The following ORC6 variants were observed in gnomAD, a reference collection of about 807,000 sequenced individuals.
ORC6 encodes origin recognition complex, subunit 6 homolog-like (yeast).
Under a neutral mutation model 30.0 loss-of-function variants are expected in ORC6, and 31 were observed. That is an observed-to-expected ratio of 1.03 (90% CI 0.78 to 1.40). ORC6 has a LOEUF of 1.40. Ranked by LOEUF, ORC6 falls within the 40% of genes most tolerant of loss-of-function variation. ORC6 has a pLI of 0.00. For synonymous variants in ORC6, 136 were observed against 111.2 expected, an observed-to-expected ratio of 1.22 and a Z score of -1.40; for missense variants, 340 against 304.3, an observed-to-expected ratio of 1.12 and a Z score of -0.87.
At chr16:46,690,840 C>G (rs1427991324) in intron 1 of ORC6, 151 bp from the exon 2 acceptor site, 1 of 762,224 alleles carries the variant, frequency 1.3e-6, no homozygotes, top group African/African-American at 1.7e-5. Context: ...CTTCCTCTCA[C>G]CAGAGGATAT....
chr16:46,691,989 C>T (rs376978144), intron 2 of ORC6, among the ~76,000 whole-genome samples: 3 of 150,994 alleles, frequency 2.0e-5, no homozygotes, highest in South Asian at 2.1e-4. Flanking sequence ...CTCACCACCC[C>T]GCCCCCTACT....
chr16:46,695,411 G>A (rs1966507035), intron 4 of ORC6, 151 bp from the exon 5 acceptor site: 2 of 645,014 alleles, frequency 3.1e-6, no homozygotes, highest in East Asian at 2.7e-5. Flanking sequence ...AAACAACTTA[G>A]CATAGATAAT....
intron 2 of ORC6, 92 bp downstream of exon 2, chr16:46,691,212 GT>G: frequency 8.4e-7 from 1 of 1,192,382 alleles, no homozygotes. Context: ...AAAAACTCTT[GT>G]TTTAGAATTG....
chr16:46,693,831 ATTT>A (rs1176756262), intron 4 of ORC6: 4 of 79,432 alleles, frequency 5.0e-5, no homozygotes, highest in Non-Finnish European at 1.0e-4. Flanking sequence ...TTTTTTTTAC[ATTT>A]TTTTTATTTT....
chr16:46,689,748 C>T lies in ORC6; in HGVS notation c.43C>T (p.Leu15Phe). The T allele has an allele frequency of 1.9e-6, 3 of 1,599,854 alleles. No homozygotes were observed. The highest frequency in any genetic ancestry group is 2.6e-6 in the Non-Finnish European group (3 of 1,173,806). Residue 15 changes from leucine to phenylalanine, a missense_variant, in exon 1 of 7, where the codon CTC becomes TTC. Coordinates refer to ENST00000219097, the MANE Select transcript of ORC6 (RefSeq NM_014321.4). The stretch of plus-strand genomic sequence containing the variant: ...CGGGCGCCTAGCCCCGCGCCTGGGC[C>T]TCGCCGAGCCCGACATGCTGAGGTG... ...LIGRLAPRLG[L>F]AEPDMLRKAE...
chr16:46,695,480 GA>G, intron 4 of ORC6, 81 bp from the exon 5 acceptor site: 1 of 857,538 alleles, frequency 1.2e-6, no homozygotes, highest in Non-Finnish European at 2.0e-6. Flanking sequence ...TGGTCAAAAA[GA>G]AAATAAGTTG....
At chr16:46,690,887 G>T (rs1030019202) in intron 1 of ORC6, 104 bp from the exon 2 acceptor site, 227 of 1,193,082 alleles carry the variant, frequency 1.9e-4, no homozygotes, top group Non-Finnish European at 2.7e-4. Context: ...CGAGCCACAG[G>T]AGTTAGGCTT....
At chr16:46,693,550 C>T (rs1042532467) in intron 4 of ORC6, 10 of 318,830 alleles carry the variant, frequency 3.1e-5, no homozygotes, top group Non-Finnish European at 5.4e-5. Flanking sequence ...GCCTGTAATC[C>T]CAACACTGGG....
At chr16:46,695,044 T>C (rs1966503961) in intron 4 of ORC6, 1 of 167,706 alleles carries the variant, frequency 6.0e-6, no homozygotes, top group East Asian at 1.8e-4. Flanking sequence ...TAGAAAACAG[T>C]GAGAATAGTC....
chr16:46,694,925 C>T (rs1342260049), intron 4 of ORC6: 1 of 152,262 alleles, frequency 6.6e-6, no homozygotes, highest in Admixed American at 6.5e-5. Context: ...TTTTGGTATG[C>T]TTGGCTCTAT....
chr16:46,690,500 G>C (rs1966422376), intron 1 of ORC6, among the ~76,000 whole-genome samples: 1 of 152,206 alleles, frequency 6.6e-6, no homozygotes, highest in Non-Finnish European at 1.5e-5. Context: ...TGTGGTTCCT[G>C]GACCAGCAAC....
rs1555467330 is a variant in ORC6 at position 46,691,958 on chromosome 16, A to ACTCTCTCTCTCTCT, written c.196-414_196-401dup. On this transcript the variant is annotated intron_variant, in intron 2 of 6. Transcript: ENST00000219097. ...CACACACACACACACACACACACAC[A>ACTCTCTCTCTCTCT]CTCTCTCTCTCTCTCTCTCTCTCAC... 3.8e-3 allele frequency among the ~76,000 whole-genome samples: 139 copies of ACTCTCTCTCTCTCT among 36,658 alleles called. 6 individuals carry two copies. Among genetic ancestry groups the ACTCTCTCTCTCTCT allele is most frequent in the African/African-American group, 0.011 (117 of 10,438 alleles). 24.0% of individuals were successfully genotyped at this position (36,658 alleles called of 152,430 possible).
intron 6 of ORC6, 114 bp downstream of exon 6, chr16:46,696,199 T>C (rs1344414642): frequency 1.3e-6 from 1 of 753,700 alleles, no homozygotes; most frequent in East Asian, 2.6e-5. Context: ...TGACTGTGAA[T>C]CATTTGATAA....
At chr16:46,694,579 G>T (rs1200889678) in intron 4 of ORC6, 1 of 146,426 alleles carries the variant, frequency 6.8e-6, no homozygotes, top group Non-Finnish European at 1.5e-5. Context: ...GCAGCTGGCC[G>T]GGCAGAGGGG....
chr16:46,693,089 T>C lies in ORC6; in HGVS notation c.360-4T>C. On this transcript the variant is annotated splice_region_variant and splice_polypyrimidine_tract_variant and intron_variant, in intron 3 of 6. Transcript: ENST00000219097. ...AGATAATTCTGCAATAACTTCTCCT[T>C]TAGCTATGAGTCCAGTCTTCCCCAG... The C allele has an allele frequency of 1.9e-6, 3 of 1,587,322 alleles. No individual in the cohort carries two copies. In the South Asian group the frequency reaches 3.3e-5, roughly 18 times the overall value.
rs947702982 is a variant in ORC6 at position 46,695,619 on chromosome 16, A to G, written c.507A>G (p.Lys169=). The change falls in exon 5 of 7, where the codon AAA becomes AAG. Residue 169 remains lysine (K), a synonymous_variant. Coordinates refer to ENST00000219097, the MANE Select transcript of ORC6 (RefSeq NM_014321.4). ...TGGTAGCCACATCCGGTGTAAAAAA[A>G]GCTATATTTGATCGACTGTGTAAAC... ...NKMVATSGVK[K]AIFDRLCKQL... The G allele has an allele frequency of 2.4e-5, 39 of 1,613,824 alleles. No individual in the cohort carries two copies. The highest frequency in any genetic ancestry group is 3.1e-5 in the Non-Finnish European group (37 of 1,179,826).
chr16:46,696,016 G>T lies in ORC6; in HGVS notation c.563-1G>T. The T allele has an allele frequency of 1.2e-6, 2 of 1,609,962 alleles. No individual in the cohort carries two copies. The highest frequency in any genetic ancestry group is 1.7e-6 in the Non-Finnish European group (2 of 1,176,210). On this transcript the variant is annotated splice_acceptor_variant, in intron 5 of 6. Transcript: ENST00000219097. LOFTEE classifies it high-confidence loss of function. ...ATTAACCTTGATAACACTTCTTAAA[G>T]GAGAACCTGGAGATGTAGCTACTCC... is the stretch of plus-strand genomic sequence containing the variant.
intron 6 of ORC6, among the ~76,000 whole-genome samples, chr16:46,697,195 A>C (rs143844927): frequency 7.5e-4 from 114 of 152,276 alleles, no homozygotes; most frequent in Middle Eastern, 3.4e-3. Flanking sequence ...TAGCTAAGCT[A>C]GGTGTGATAG....
intron 1 of ORC6, among the ~76,000 whole-genome samples, chr16:46,690,060 C>A (rs1053295245): frequency 8.5e-5 from 13 of 152,254 alleles, no homozygotes; most frequent in African/African-American, 2.9e-4. Flanking sequence ...CCGCCAACGC[C>A]TACTGCAGTC....
Sources: allele counts gnomAD v4.1 joint callset (sites outside exome capture counted in the v4.1 genomes callset), GRCh38; gene constraint gnomAD v4.1.1; transcripts MANE v1.5; gene names NCBI Gene and HGNC (gene_info 2026-07-23, HGNC 2026-07-21).